TENM4: variants seen among roughly 807,000 people sequenced by gnomAD.
The protein encoded by TENM4 is teneurin transmembrane protein 4, also known as teneurin-4.
Under a neutral mutation model 243.3 loss-of-function variants are expected in TENM4, and 82 were observed. The observed-to-expected ratio is 0.34, with a 90% CI of 0.28 to 0.40. The LOEUF is 0.40. Ranked by LOEUF, TENM4 falls within the 10% of genes least tolerant of loss-of-function variation. The pLI, the probability that TENM4 is intolerant of heterozygous loss-of-function variation, is 1.00. For synonymous variants in TENM4, 1,412 were observed against 1,456.3 expected, an observed-to-expected ratio of 0.97 and a Z score of 0.69; for missense variants, 3,138 against 3,673.3, an observed-to-expected ratio of 0.85 and a Z score of 3.77.
At chr11:79,256,443 C>T (rs1340445233) in intron 2 of TENM4, among the ~76,000 whole-genome samples, 1 of 152,240 alleles carries the variant, frequency 6.6e-6, no homozygotes, top group Middle Eastern at 3.2e-3. Flanking sequence ...CCTAAGGCCA[C>T]ATCACCAGGC....
chr11:79,303,868 G>C (rs1401138822), intron 1 of TENM4, among the ~76,000 whole-genome samples: 2 of 152,192 alleles, frequency 1.3e-5, no homozygotes, highest in African/African-American at 4.8e-5. Context: ...GGTTTGGGCT[G>C]GTAGCGTGTT....
At chr11:78,792,426 T>C (rs1857075945) in intron 15 of TENM4, among the ~76,000 whole-genome samples, 1 of 152,166 alleles carries the variant, frequency 6.6e-6, no homozygotes, top group Admixed American at 6.5e-5. Context: ...ATTCCAAGCT[T>C]ACAGAGTTCT....
Position 78,657,312 on chromosome 11 carries a change from C to T in TENM4, c.*746G>A. The T allele has an allele frequency of 2.5e-6, 1 of 398,040 alleles. No individual in the cohort carries two copies. The highest frequency in any genetic ancestry group is 4.4e-6 in the Non-Finnish European group (1 of 226,246). The allele number at this position is 398,040 out of a possible 1,614,324, so 24.7% of individuals were successfully genotyped here. On this transcript the variant is annotated 3_prime_UTR_variant, in exon 34 of 34. Coordinates refer to ENST00000278550, the MANE Select transcript of TENM4 (RefSeq NM_001098816.3). ...GGTCTGGGGGAAAGGACCTGGGAGACACTTTCTCTATCCCAGCATGGGGGT... is the reference window on the plus strand; with the variant it reads ...GGTCTGGGGGAAAGGACCTGGGAGATACTTTCTCTATCCCAGCATGGGGGT...
In TENM4 at chr11:78,812,205, T is replaced by C. The variant is rs560830049; in HGVS notation, c.1895A>G (p.Asp632Gly). 1.3e-6 allele frequency: 2 copies of C among 1,551,872 alleles called. No homozygotes were observed. The highest frequency in any genetic ancestry group is 1.7e-6 in the Non-Finnish European group (2 of 1,147,072). Residue 632 changes from aspartate to glycine, a missense_variant, in exon 14 of 34, where the codon GAT (aspartate) becomes GGT (glycine). Asp to Gly is a moderately conservative substitution (Grantham distance 94). Coordinates refer to ENST00000278550, the MANE Select transcript of TENM4 (RefSeq NM_001098816.3). ...ECDVPTNQCI[D>G]VACSNHGTCI... ...GGTGCCATGGTTGCTGCAGGCCACA[T>C]CGATACACTGGTTGGTGGGCACATC...
chr11:79,365,826 A>C (rs1292795313), intron 1 of TENM4, among the ~76,000 whole-genome samples: 3 of 152,226 alleles, frequency 2.0e-5, no homozygotes, highest in Non-Finnish European at 2.9e-5. Flanking sequence ...AGTATGATTG[A>C]GGAACATGCA....
intron 1 of TENM4, among the ~76,000 whole-genome samples, chr11:79,360,048 C>T (rs902144157): frequency 7.2e-5 from 11 of 152,184 alleles, no homozygotes; most frequent in African/African-American, 2.4e-4. Context: ...TCTTCAGACA[C>T]AAAGAACATC....
intron 2 of TENM4, among the ~76,000 whole-genome samples, chr11:79,223,583 C>G (rs1416092799): frequency 6.6e-6 from 1 of 152,146 alleles, no homozygotes; most frequent in Non-Finnish European, 1.5e-5. Flanking sequence ...AATCCAAACT[C>G]TCCCCTATAG....
intron 3 of TENM4, among the ~76,000 whole-genome samples, chr11:79,151,525 T>C (rs1453262847): frequency 1.3e-5 from 2 of 152,186 alleles, no homozygotes; most frequent in Non-Finnish European, 2.9e-5. Flanking sequence ...GGAAGAGATG[T>C]GCTCTGTGTG....
intron 27 of TENM4, among the ~76,000 whole-genome samples, chr11:78,705,556 G>A (rs544705860): frequency 6.6e-6 from 1 of 152,294 alleles, no homozygotes; most frequent in South Asian, 2.1e-4. Flanking sequence ...AATTTCAGAG[G>A]TCTTGCAGCT....
At chr11:78,778,906 A>C (rs1255821934) in intron 16 of TENM4, among the ~76,000 whole-genome samples, 1 of 152,214 alleles carries the variant, frequency 6.6e-6, no homozygotes, top group African/African-American at 2.4e-5. Context: ...CATATGAATA[A>C]GGAAAACAGA....
chr11:79,301,763 T>C (rs1324204838), intron 1 of TENM4, among the ~76,000 whole-genome samples: 1 of 152,192 alleles, frequency 6.6e-6, no homozygotes, highest in Non-Finnish European at 1.5e-5. Flanking sequence ...GTTCTCTTGA[T>C]AACGAGTGAG....
intron 1 of TENM4, among the ~76,000 whole-genome samples, chr11:79,437,428 G>A (rs1003597045): frequency 1.3e-5 from 2 of 152,256 alleles, no homozygotes; most frequent in African/African-American, 2.4e-5. Flanking sequence ...AGGCGCGGCC[G>A]GGACCCTGCA....
At chr11:79,397,102 G>A (rs572933188) in intron 1 of TENM4, among the ~76,000 whole-genome samples, 3 of 152,292 alleles carry the variant, frequency 2.0e-5, no homozygotes, top group African/African-American at 7.2e-5. Flanking sequence ...TTGGCTTGAC[G>A]TGTTAGGGCA....
intron 1 of TENM4, among the ~76,000 whole-genome samples, chr11:79,337,701 AT>A (rs1857170153): frequency 6.6e-6 from 1 of 152,108 alleles, no homozygotes; most frequent in Non-Finnish European, 1.5e-5. Flanking sequence ...AGCAACTTCC[AT>A]TTTTTTGTTT....
At chr11:78,966,249 G>C (rs773451015) in intron 6 of TENM4, among the ~76,000 whole-genome samples, 14 of 150,990 alleles carry the variant, frequency 9.3e-5, no homozygotes, top group Non-Finnish European at 1.6e-4. Flanking sequence ...GGGTTGCTCT[G>C]AGGATGAAAG....
intron 24 of TENM4, 40 bp from the exon 25 acceptor site, chr11:78,720,430 G>A: frequency 1.9e-6 from 3 of 1,612,456 alleles, no homozygotes; most frequent in Non-Finnish European, 2.5e-6. Context: ...AAGAAAGAAT[G>A]AGGTGTTAGC....
In TENM4 at chr11:79,164,043, C is replaced by G. The variant is rs59493667; in HGVS notation, c.-162-15237G>C. ...ATAGTATGTATATAGTATATATACA[C>G]TATAAATACTATGTATATATAGTGT... On this transcript the variant is annotated intron_variant, in intron 3 of 33. Coordinates refer to ENST00000278550, the MANE Select transcript of TENM4 (RefSeq NM_001098816.3). Among the ~76,000 whole-genome samples the G allele has an allele frequency of 2.7e-3, 109 of 41,018 alleles. 1 individual carries two copies. Among genetic ancestry groups the G allele is most frequent in the South Asian group, 7.4e-3 (11 of 1,492 alleles). The allele number at this position is 41,018 out of a possible 152,430, so 26.9% of individuals were successfully genotyped here.
chr11:78,668,699 T>G (rs558655085), intron 32 of TENM4, among the ~76,000 whole-genome samples: 24 of 152,300 alleles, frequency 1.6e-4, no homozygotes, highest in Admixed American at 2.6e-4. Flanking sequence ...TACACTGAAA[T>G]GTACTATGAA....
chr11:79,047,480 G>A (rs1859687206), intron 6 of TENM4, among the ~76,000 whole-genome samples: 2 of 152,210 alleles, frequency 1.3e-5, no homozygotes, highest in Non-Finnish European at 2.9e-5. Flanking sequence ...CTGGTGCAAT[G>A]ACAGCAGCTC....
Sources: allele counts gnomAD v4.1 joint callset (sites outside exome capture counted in the v4.1 genomes callset), GRCh38; gene constraint gnomAD v4.1.1; transcripts MANE v1.5; gene names NCBI Gene and HGNC (gene_info 2026-07-23, HGNC 2026-07-21).